Variants in PTPRD observed in about 807,000 individuals in gnomAD.
The protein encoded by PTPRD is receptor-type tyrosine-protein phosphatase delta.
A neutral mutation model predicts 214.5 loss-of-function variants in PTPRD; 34 were observed. The observed-to-expected ratio is 0.16, with a 90% CI of 0.12 to 0.21. PTPRD has a LOEUF of 0.21. Among genes scored for constraint, PTPRD ranks in the 10% least tolerant of loss-of-function variants. The probability of loss-of-function intolerance (pLI) is 1.00; values close to 1 mark genes in which losing one functional copy is unlikely to be tolerated. For synonymous variants in PTPRD, 1,128 were observed against 845.7 expected (o/e 1.33, Z -5.79); for missense variants, 2,545 against 2,398.7 (o/e 1.06, Z -1.27).
chr9:10,117,973 C>CTAT (rs2098744329), intron 3 of PTPRD, among the ~76,000 whole-genome samples: 1 of 151,970 alleles, frequency 6.6e-6, no homozygotes, highest in South Asian at 2.1e-4. Context: ...CAACCTGGAA[C>CTAT]TATTACCTGA....
chr9:8,383,297 G>A (rs371294249), intron 37 of PTPRD, among the ~76,000 whole-genome samples: 3 of 152,148 alleles, frequency 2.0e-5, no homozygotes, highest in East Asian at 1.9e-4. Flanking sequence ...TCAAGGACTG[G>A]GGAAGACATA....
At chr9:10,564,349 T>G (rs972595240) in intron 2 of PTPRD, among the ~76,000 whole-genome samples, 1 of 151,244 alleles carries the variant, frequency 6.6e-6, no homozygotes, top group African/African-American at 2.4e-5. Context: ...GAAACCGTTT[T>G]CCAGTGAACT....
intron 3 of PTPRD, among the ~76,000 whole-genome samples, chr9:10,176,870 A>C (rs2099251545): frequency 1.3e-5 from 2 of 151,956 alleles, no homozygotes; most frequent in Non-Finnish European, 1.5e-5. Context: ...CAATAAAGTG[A>C]GTGGGATCAG....
chr9:9,112,864 G>A (rs56699508), intron 10 of PTPRD, among the ~76,000 whole-genome samples: 2,565 of 152,084 alleles, frequency 0.017, 46 homozygotes, highest in East Asian at 0.069. Context: ...TACTTTAGCA[G>A]GTGTTTCGAT....
intron 5 of PTPRD, among the ~76,000 whole-genome samples, chr9:9,831,232 TA>T (rs2054720671): frequency 6.6e-6 from 1 of 152,068 alleles, no homozygotes; most frequent in East Asian, 1.9e-4. Context: ...CACACACTTC[TA>T]AATTCTCTGC....
At chr9:9,819,948 A>G (rs957964051) in intron 5 of PTPRD, among the ~76,000 whole-genome samples, 1 of 152,164 alleles carries the variant, frequency 6.6e-6, no homozygotes, top group Non-Finnish European at 1.5e-5. Flanking sequence ...TAGCACTGCA[A>G]TGAAAATGCG....
chr9:9,844,097 C>T (rs929937044), intron 5 of PTPRD, among the ~76,000 whole-genome samples: 1 of 151,854 alleles, frequency 6.6e-6, no homozygotes, highest in Non-Finnish European at 1.5e-5. Flanking sequence ...TAATAAAATC[C>T]TATATTCTTA....
chr9:8,577,002 T>G (rs1023179131), intron 14 of PTPRD, among the ~76,000 whole-genome samples: 12 of 152,160 alleles, frequency 7.9e-5, no homozygotes, highest in Admixed American at 2.6e-4. Flanking sequence ...TCCATTCTCC[T>G]TCCACAATGC....
At chr9:9,844,946 G>T (rs1004794756) in intron 5 of PTPRD, among the ~76,000 whole-genome samples, 1 of 149,894 alleles carries the variant, frequency 6.7e-6, no homozygotes, top group Non-Finnish European at 1.5e-5. Context: ...TAACTTGGAC[G>T]GTCTATTTTA....
intron 2 of PTPRD, among the ~76,000 whole-genome samples, chr9:10,352,514 G>A (rs2097200406): frequency 6.6e-6 from 1 of 152,010 alleles, no homozygotes; most frequent in Non-Finnish European, 1.5e-5. Context: ...TTGAGGTCTT[G>A]CATATGAAAC....
At chr9:9,819,128 C>G (rs1227414956) in intron 5 of PTPRD, among the ~76,000 whole-genome samples, 8 of 152,022 alleles carry the variant, frequency 5.3e-5, no homozygotes, top group Non-Finnish European at 1.2e-4. Context: ...CTTGCTGGGG[C>G]TTTGGAAGGC....
At chr9:9,484,886 G>A (rs1031032139) in intron 8 of PTPRD, among the ~76,000 whole-genome samples, 1 of 152,054 alleles carries the variant, frequency 6.6e-6, no homozygotes, top group African/African-American at 2.4e-5. Context: ...TAAACAATAG[G>A]CTTCTACAGA....
At chr9:9,882,403 C>T (rs10514817) in intron 5 of PTPRD, among the ~76,000 whole-genome samples, 13,646 of 152,134 alleles carry the variant, frequency 0.09, 808 homozygotes, top group South Asian at 0.18. Flanking sequence ...ATATCATGAT[C>T]CAAATGGTGA....
At chr9:8,523,607 G>A in intron 18 of PTPRD, 83 bp from the exon 19 acceptor site, 4 of 1,500,358 alleles carry the variant, frequency 2.7e-6, no homozygotes, top group South Asian at 2.4e-5. Context: ...AGAGTAAAAA[G>A]GCCATATCAA....
chr9:8,654,395 A>G (rs2096870372), intron 12 of PTPRD, among the ~76,000 whole-genome samples: 1 of 152,204 alleles, frequency 6.6e-6, no homozygotes, highest in Non-Finnish European at 1.5e-5. Context: ...CTCCGATATT[A>G]CAACGCTCAC....
At chr9:9,586,033 C>G (rs2091885016) in intron 7 of PTPRD, among the ~76,000 whole-genome samples, 2 of 151,936 alleles carry the variant, frequency 1.3e-5, no homozygotes, top group South Asian at 4.1e-4. Flanking sequence ...TAGTCAGTGA[C>G]CTGAAAATGT....
intron 5 of PTPRD, among the ~76,000 whole-genome samples, chr9:9,929,989 C>T (rs1383080773): frequency 1.3e-5 from 2 of 152,100 alleles, no homozygotes; most frequent in Non-Finnish European, 2.9e-5. Flanking sequence ...ACTCATTTAC[C>T]ACCTAGTTCA....
intron 7 of PTPRD, among the ~76,000 whole-genome samples, chr9:9,609,726 G>A (rs2094414399): frequency 6.6e-6 from 1 of 152,178 alleles, no homozygotes; most frequent in African/African-American, 2.4e-5. Context: ...TCCTCCCAAA[G>A]CGCTGGGATC....
At chr9:10,079,750 T>G (rs1320659885) in intron 3 of PTPRD, among the ~76,000 whole-genome samples, 2 of 152,150 alleles carry the variant, frequency 1.3e-5, no homozygotes, top group African/African-American at 2.4e-5. Context: ...TTAAGGTTCG[T>G]TTTCCTCACC....
Sources: gnomAD v4.1 joint callset for allele counts (sites outside exome capture counted in the v4.1 genomes callset) on GRCh38, gnomAD v4.1.1 for gene constraint, MANE v1.5 for transcripts, NCBI Gene and HGNC (gene_info 2026-07-23, HGNC 2026-07-21) for gene names.